Variants in SH3GL3 observed in about 807,000 individuals in gnomAD.
SH3GL3 encodes SH3 domain containing GRB2 like 3, endophilin A3.
SH3GL3 carries 33 observed loss-of-function variants against 47.7 expected under a neutral mutation model. The ratio of observed to expected loss-of-function variants is 0.69; its 90% CI spans 0.52 to 0.92. SH3GL3 has a LOEUF of 0.92. Ranked by LOEUF, SH3GL3 falls within the 40% of genes least tolerant of loss-of-function variation. The probability of loss-of-function intolerance (pLI) is 0.00; values close to 1 mark genes in which losing one functional copy is unlikely to be tolerated. For synonymous variants in SH3GL3, 155 were observed against 148.8 expected (o/e 1.04, Z -0.30); for missense variants, 363 against 417.8 (o/e 0.87, Z 1.14).
chr15:83,502,464 G>A (rs913181477), intron 1 of SH3GL3, among the ~76,000 whole-genome samples: 3 of 152,242 alleles, frequency 2.0e-5, no homozygotes, highest in African/African-American at 7.2e-5. Context: ...CCCAGGAATA[G>A]GATGTAATGC....
chr15:83,467,745 G>A (rs750735935), intron 1 of SH3GL3, among the ~76,000 whole-genome samples: 7 of 152,108 alleles, frequency 4.6e-5, no homozygotes, highest in South Asian at 2.1e-4. Flanking sequence ...CACATAGATC[G>A]TGTGCATGTT....
intron 1 of SH3GL3, among the ~76,000 whole-genome samples, chr15:83,463,880 A>T (rs1242424114): frequency 6.8e-6 from 1 of 147,014 alleles, no homozygotes; most frequent in Non-Finnish European, 1.5e-5. Flanking sequence ...GCGATTCTCC[A>T]GCCTCAGCCT....
rs548665325 is a variant in SH3GL3 at position 83,599,101 on chromosome 15, T to C, written c.838+10330T>C. 5.3e-5 allele frequency among the ~76,000 whole-genome samples: 8 copies of C among 152,354 alleles called. 1 individual carries two copies. The highest frequency in any genetic ancestry group is 1.9e-4 in the African/African-American group (8 of 41,588). On this transcript the variant is annotated intron_variant, in intron 8 of 8. Transcript: ENST00000427482. ...GGTGCCAATTTTCTATCTCTTCTTA[T>C]TTACTTATTTTTTTGCGCTTTATAT...
chr15:83,527,726 G>A (rs966318683), intron 1 of SH3GL3, among the ~76,000 whole-genome samples: 3 of 152,084 alleles, frequency 2.0e-5, no homozygotes, highest in African/African-American at 7.2e-5. Context: ...TTATTGATAT[G>A]CGAGGACTTA....
chr15:83,533,078 T>C (rs1340032866), intron 1 of SH3GL3, among the ~76,000 whole-genome samples: 1 of 152,182 alleles, frequency 6.6e-6, no homozygotes, highest in Admixed American at 6.5e-5. Context: ...AGAGTGTTTA[T>C]TGAGTGGCCA....
At chr15:83,611,244 GTCTCTC>G (rs35606421) in intron 8 of SH3GL3, among the ~76,000 whole-genome samples, 7 of 149,342 alleles carry the variant, frequency 4.7e-5, no homozygotes, top group South Asian at 2.1e-4. Flanking sequence ...TTGTGGTAGG[GTCTCTC>G]TCTCTCTCTC....
intron 4 of SH3GL3, 134 bp downstream of exon 4, chr15:83,568,806 G>A (rs2045679086): frequency 3.4e-6 from 2 of 591,902 alleles, no homozygotes; most frequent in East Asian, 5.9e-5. Flanking sequence ...AATTGCAGGA[G>A]GTTTAGAAAA....
intron 1 of SH3GL3, among the ~76,000 whole-genome samples, chr15:83,525,206 A>G (rs2043363916): frequency 6.6e-6 from 1 of 151,934 alleles, no homozygotes; most frequent in African/African-American, 2.4e-5. Context: ...TTCGAATTTG[A>G]TAAGATATCT....
At chr15:83,503,047 C>T (rs2151610791) in intron 1 of SH3GL3, among the ~76,000 whole-genome samples, 1 of 152,060 alleles carries the variant, frequency 6.6e-6, no homozygotes, top group East Asian at 1.9e-4. Context: ...AATGAAAGTC[C>T]ACTGTATTTA....
chr15:83,561,988 A>G (rs1269446045), intron 2 of SH3GL3, among the ~76,000 whole-genome samples: 6 of 150,878 alleles, frequency 4.0e-5, no homozygotes, highest in Admixed American at 4.0e-4. Context: ...TTGGCAGGAT[A>G]TTTGCATAGC....
intron 2 of SH3GL3, among the ~76,000 whole-genome samples, chr15:83,559,724 C>T (rs1350172767): frequency 6.6e-6 from 1 of 152,176 alleles, no homozygotes; most frequent in Non-Finnish European, 1.5e-5. Context: ...TTGGGCTCTG[C>T]TCCCATGTGT....
rs545624245 is a variant in SH3GL3 at position 83,617,266 on chromosome 15, C to T, written c.839-816C>T. Among the ~76,000 whole-genome samples, 3 of 152,320 alleles carry T rather than the reference C, an allele frequency of 2.0e-5. No individual in the cohort carries two copies. The South Asian group carries it at 6.2e-4, about 32-fold the overall frequency. On this transcript the variant is annotated intron_variant, in intron 8 of 8. Coordinates refer to ENST00000427482, the MANE Select transcript of SH3GL3 (RefSeq NM_003027.5). ...CCTTTCTTGTCCTGGTTTCTCTCCT[C>T]CCGGCCCTTGTCCTGCCCATTAACT...
intron 1 of SH3GL3, among the ~76,000 whole-genome samples, chr15:83,459,486 G>A (rs929635786): frequency 3.3e-5 from 5 of 152,142 alleles, no homozygotes; most frequent in African/African-American, 4.8e-5. Flanking sequence ...CTGGGATTCC[G>A]GAAAGGAATT....
intron 6 of SH3GL3, among the ~76,000 whole-genome samples, chr15:83,586,135 C>G (rs988270603): frequency 6.6e-6 from 1 of 152,318 alleles, no homozygotes; most frequent in African/African-American, 2.4e-5. Flanking sequence ...GGAGGCCCAT[C>G]ACCTCAACCC....
chr15:83,559,911 C>T (rs1039615898), intron 2 of SH3GL3, among the ~76,000 whole-genome samples: 3 of 152,114 alleles, frequency 2.0e-5, no homozygotes, highest in Admixed American at 2.0e-4. Context: ...AAATAACTTA[C>T]AAAAAATATG....
intron 1 of SH3GL3, among the ~76,000 whole-genome samples, chr15:83,460,690 G>T (rs896170781): frequency 6.6e-6 from 1 of 152,092 alleles, no homozygotes; most frequent in African/African-American, 2.4e-5. Context: ...ATATGTGTGC[G>T]GATGTGTTTA....
intron 1 of SH3GL3, among the ~76,000 whole-genome samples, chr15:83,458,902 A>T (rs2040133401): frequency 6.6e-6 from 1 of 152,232 alleles, no homozygotes; most frequent in African/African-American, 2.4e-5. Flanking sequence ...GAGTTTATTA[A>T]GGAGTATTGA....
At chr15:83,542,393 G>A (rs1009794903) in intron 1 of SH3GL3, among the ~76,000 whole-genome samples, 3 of 152,144 alleles carry the variant, frequency 2.0e-5, no homozygotes, top group Non-Finnish European at 4.4e-5. Flanking sequence ...ATAATTTGAA[G>A]TCAGTTAATG....
At chr15:83,503,361 A>G (rs1337972315) in intron 1 of SH3GL3, among the ~76,000 whole-genome samples, 2 of 152,134 alleles carry the variant, frequency 1.3e-5, no homozygotes, top group African/African-American at 2.4e-5. Context: ...TGATTTTTCT[A>G]TGAGAATATG....
Sources: allele counts gnomAD v4.1 joint callset (sites outside exome capture counted in the v4.1 genomes callset), GRCh38; gene constraint gnomAD v4.1.1; transcripts MANE v1.5; gene names NCBI Gene and HGNC (gene_info 2026-07-23, HGNC 2026-07-21).